KHDRBS2: variants seen among roughly 807,000 people sequenced by gnomAD.
KHDRBS2 encodes the protein KH domain-containing, RNA-binding, signal transduction-associated protein 2.
A neutral mutation model predicts 44.3 loss-of-function variants in KHDRBS2; 26 were observed. The observed-to-expected ratio is 0.59, with a 90% confidence interval of 0.43 to 0.81. The LOEUF is 0.81. Ranked by LOEUF, KHDRBS2 falls within the 40% of genes least tolerant of loss-of-function variation. The pLI, the probability that KHDRBS2 is intolerant of heterozygous loss-of-function variation, is 0.00. For synonymous variants in KHDRBS2, 194 were observed against 151.1 expected (o/e 1.28, Z -2.08); for missense variants, 476 against 433.1 (o/e 1.10, Z -0.88).
chr6:62,270,923 G>C (rs1839993589), intron 1 of KHDRBS2, among the ~76,000 whole-genome samples: 1 of 152,046 alleles, frequency 6.6e-6, no homozygotes, highest in South Asian at 2.1e-4. Context: ...AGCAGATCTG[G>C]CACTCAAACA....
the KHDRBS2 span, among the ~76,000 whole-genome samples, chr6:61,580,685 A>T: frequency 2.0e-5 from 3 of 152,048 alleles, no homozygotes; most frequent in Non-Finnish European, 4.4e-5. Context: ...GAAGGAAAAA[A>T]TAACTCTGGA....
chr6:62,064,986 C>T (rs991290597), intron 2 of KHDRBS2, among the ~76,000 whole-genome samples: 1 of 152,060 alleles, frequency 6.6e-6, no homozygotes, highest in African/African-American at 2.4e-5. Flanking sequence ...TGAACAGACA[C>T]TTCTCAAAAG....
intron 1 of KHDRBS2, among the ~76,000 whole-genome samples, chr6:62,189,516 T>G (rs887745929): frequency 1.3e-5 from 2 of 152,086 alleles, no homozygotes; most frequent in Non-Finnish European, 2.9e-5. Context: ...AGTAACATCA[T>G]GAGACAGAAC....
intron 2 of KHDRBS2, among the ~76,000 whole-genome samples, chr6:62,140,729 T>C (rs934273929): frequency 1.3e-5 from 2 of 152,170 alleles, no homozygotes; most frequent in African/African-American, 4.8e-5. Context: ...ATTAAGAATG[T>C]AACTCTGAGT....
At chr6:61,941,268 CT>C (rs1272756412) in intron 4 of KHDRBS2, among the ~76,000 whole-genome samples, 1 of 152,156 alleles carries the variant, frequency 6.6e-6, no homozygotes, top group Admixed American at 6.5e-5. Context: ...GGAGACTGGC[CT>C]GCACATTACA....
chr6:61,925,558 T>G (rs777645292), intron 4 of KHDRBS2, among the ~76,000 whole-genome samples: 3 of 151,862 alleles, frequency 2.0e-5, no homozygotes, highest in Non-Finnish European at 2.9e-5. Context: ...TCTAACAAAA[T>G]TTTTAAAAAG....
intron 3 of KHDRBS2, among the ~76,000 whole-genome samples, chr6:62,027,716 A>G (rs1185374202): frequency 6.6e-6 from 1 of 152,110 alleles, no homozygotes; most frequent in African/African-American, 2.4e-5. Context: ...ATAATAACCC[A>G]AAAGGACAAA....
chr6:61,571,989 T>C, the KHDRBS2 span, among the ~76,000 whole-genome samples: 3 of 151,922 alleles, frequency 2.0e-5, no homozygotes, highest in Non-Finnish European at 4.4e-5. Context: ...CTAAATGACA[T>C]TGAAACAACA....
chr6:62,229,231 C>A (rs1482710816), intron 1 of KHDRBS2, among the ~76,000 whole-genome samples: 2 of 152,042 alleles, frequency 1.3e-5, no homozygotes, highest in Non-Finnish European at 2.9e-5. Flanking sequence ...TTCAGGGAGG[C>A]CCTGCCCAGT....
chr6:62,112,780 C>T (rs1269479414), intron 2 of KHDRBS2, among the ~76,000 whole-genome samples: 1 of 152,072 alleles, frequency 6.6e-6, no homozygotes, highest in African/African-American at 2.4e-5. Flanking sequence ...GATTCTGTAC[C>T]TTTAGCAAAA....
the KHDRBS2 span, among the ~76,000 whole-genome samples, chr6:61,664,642 T>C: frequency 2.0e-3 from 305 of 151,878 alleles, 2 homozygotes; most frequent in African/African-American, 6.8e-3. Context: ...GTTTAAGAGA[T>C]GTCAAGCCTT....
rs1169809636 is a variant in KHDRBS2, at chr6:61,856,763, C to T, written c.810+37872G>A. ...CTAGGTGTACAGGTGCATTTTCATG[C>T]TAAACTCCAACTGTAGTGGCTTTTA... is the stretch of plus-strand genomic sequence containing the variant. On this transcript the variant is annotated intron_variant, in intron 6 of 8. Coordinates refer to ENST00000281156, the MANE Select transcript of KHDRBS2 (RefSeq NM_152688.4). Among the ~76,000 whole-genome samples the T allele has an allele frequency of 2.0e-5, 3 of 152,090 alleles. No homozygotes were observed. The East Asian group carries it at 5.8e-4, about 29-fold the overall frequency.
intron 2 of KHDRBS2, among the ~76,000 whole-genome samples, chr6:62,063,927 CAA>C (rs1373321834): frequency 2.8e-5 from 4 of 143,428 alleles, no homozygotes; most frequent in African/African-American, 1.0e-4. Context: ...GCAACTTCAG[CAA>C]AGTCTCAGGA....
At chr6:61,797,507 C>A (rs1785534107) in intron 6 of KHDRBS2, among the ~76,000 whole-genome samples, 1 of 152,060 alleles carries the variant, frequency 6.6e-6, no homozygotes, top group Admixed American at 6.6e-5. Context: ...TTTTAAAGCA[C>A]TTAGCAAGTA....
chr6:62,269,409 A>T (rs2345327), intron 1 of KHDRBS2, among the ~76,000 whole-genome samples: 26,326 of 151,978 alleles, frequency 0.17, 2,921 homozygotes, highest in Non-Finnish European at 0.22. Flanking sequence ...CCAATTAAAA[A>T]TTTTTCTCAG....
At chr6:61,882,732 A>G (rs1446876949) in intron 6 of KHDRBS2, among the ~76,000 whole-genome samples, 1 of 152,052 alleles carries the variant, frequency 6.6e-6, no homozygotes, top group Non-Finnish European at 1.5e-5. Flanking sequence ...AGAAGGATTT[A>G]GCAGCCTCTA....
At chr6:61,929,154 T>G (rs1388951351) in intron 4 of KHDRBS2, among the ~76,000 whole-genome samples, 3 of 152,128 alleles carry the variant, frequency 2.0e-5, no homozygotes, top group African/African-American at 7.2e-5. Flanking sequence ...CCTGTGTGGT[T>G]ATAAAAGTCA....
At chr6:61,699,255 A>T (rs1768285225) in intron 7 of KHDRBS2, among the ~76,000 whole-genome samples, 1 of 152,000 alleles carries the variant, frequency 6.6e-6, no homozygotes, top group African/African-American at 2.4e-5. Context: ...GTCACAATTT[A>T]AAAAAATAAC....
intron 6 of KHDRBS2, among the ~76,000 whole-genome samples, chr6:61,876,975 C>A (rs1321987748): frequency 6.6e-6 from 1 of 152,062 alleles, no homozygotes; most frequent in African/African-American, 2.4e-5. Flanking sequence ...AGTTGGCAAA[C>A]TATGACCCAT....
Sources: gnomAD v4.1 joint callset for allele counts (sites outside exome capture counted in the v4.1 genomes callset) on GRCh38, gnomAD v4.1.1 for gene constraint, MANE v1.5 for transcripts, NCBI Gene and HGNC (gene_info 2026-07-23, HGNC 2026-07-21) for gene names.